EML5: variants seen among roughly 807,000 people sequenced by gnomAD.
The protein encoded by EML5 is EMAP like 5, also known as echinoderm microtubule-associated protein-like 5.
In EML5, 120 loss-of-function variants were observed where a neutral mutation model predicts 250.0. That is an observed-to-expected ratio of 0.48 (90% CI 0.41 to 0.56). The LOEUF (loss-of-function observed/expected upper bound fraction) is 0.56. Ranked by LOEUF, EML5 falls within the 20% of genes least tolerant of loss-of-function variation. The pLI is 0.00. For missense variants in EML5, 2,006 were observed against 2,437.6 expected, an observed-to-expected ratio of 0.82 and a Z score of 3.73; for synonymous variants, 771 against 806.5, an observed-to-expected ratio of 0.96 and a Z score of 0.75.
At chr14:88,698,264 C>CA (rs2093126114) in intron 14 of EML5, among the ~76,000 whole-genome samples, 1 of 93,072 alleles carries the variant, frequency 1.1e-5, no homozygotes, top group Admixed American at 1.1e-4. Flanking sequence ...TCTCCAGTTT[C>CA]CTTTTTTTTT....
At chr14:88,690,803 T>C (rs2092939805) in intron 17 of EML5, among the ~76,000 whole-genome samples, 1 of 152,038 alleles carries the variant, frequency 6.6e-6, no homozygotes, top group Non-Finnish European at 1.5e-5. Context: ...TGTCCTTGAG[T>C]AGATGAGAGA....
chr14:88,749,276 G>T (rs2094054842), intron 2 of EML5, among the ~76,000 whole-genome samples: 1 of 152,178 alleles, frequency 6.6e-6, no homozygotes, highest in African/African-American at 2.4e-5. Flanking sequence ...GAAGACAATG[G>T]ACAAACAGTT....
In EML5 at chr14:88,613,281, G is replaced by T. The variant is rs1415101331; in HGVS notation, c.*2537C>A. ...ATGACAGTTCCTCTTCATTCTAAAG[G>T]TTTACTCCATTGAATTTAAGGCATT... On this transcript the variant is annotated 3_prime_UTR_variant, in exon 44 of 44. Coordinates refer to ENST00000554922, the MANE Select transcript of EML5 (RefSeq NM_183387.3). 1 of 152,102 alleles carries T rather than the reference G, an allele frequency of 6.6e-6. No individual in the cohort carries two copies. The highest frequency in any genetic ancestry group is 1.5e-5 in the Non-Finnish European group (1 of 68,036). The allele number at this position is 152,102 out of a possible 1,614,324, so 9.4% of individuals were successfully genotyped here. A position where few individuals can be genotyped will look rare whatever the true frequency, so the allele number is the denominator to read the frequency against.
intron 6 of EML5, among the ~76,000 whole-genome samples, chr14:88,737,152 A>G (rs944743983): frequency 6.6e-6 from 1 of 152,198 alleles, no homozygotes; most frequent in Admixed American, 6.5e-5. Context: ...GAGTACAGAC[A>G]GAGCTGTAAC....
intron 21 of EML5, among the ~76,000 whole-genome samples, chr14:88,668,548 A>G (rs890511345): frequency 6.6e-6 from 1 of 152,172 alleles, no homozygotes; most frequent in Non-Finnish European, 1.5e-5. Context: ...TAGGGAAAAA[A>G]GCCTAATTGG....
chr14:88,615,785 C>CAA lies in EML5; in HGVS notation c.*31_*32dup. On this transcript the variant is annotated 3_prime_UTR_variant, in exon 44 of 44. Coordinates refer to ENST00000554922, the MANE Select transcript of EML5 (RefSeq NM_183387.3). Reference sequence around the variant, plus strand: ...TTTTTCTTCTCTGTAATTCTGGTCTCAAAGTTAATTTCTGTAGTCATCTCA... The same window carrying CAA: ...TTTTTCTTCTCTGTAATTCTGGTCTCAAAAAGTTAATTTCTGTAGTCATCTCA... 1 of 1,602,768 alleles carries CAA rather than the reference C, an allele frequency of 6.2e-7. No individual in the cohort carries two copies. Among genetic ancestry groups the CAA allele is most frequent in the Non-Finnish European group, 8.5e-7 (1 of 1,174,646 alleles).
intron 2 of EML5, among the ~76,000 whole-genome samples, chr14:88,753,515 A>C (rs976670151): frequency 6.6e-6 from 1 of 152,246 alleles, no homozygotes; most frequent in Non-Finnish European, 1.5e-5. Flanking sequence ...TAAAATTTAA[A>C]ATGATTTTAA....
At chr14:88,706,509 G>A in intron 10 of EML5, 83 bp from the exon 11 acceptor site, 1 of 1,003,958 alleles carries the variant, frequency 1.0e-6, no homozygotes, top group Admixed American at 3.6e-5. Context: ...ATGAACCACT[G>A]TATCATCCTT....
Position 88,783,442 on chromosome 14 carries a change from A to G in EML5, c.197+8865T>C, listed in dbSNP as rs140290704. ...ATCCAAGAAACACACTTCACCTATA[A>G]ATACACACACGGACTGAAAATAAAA... is the stretch of plus-strand genomic sequence containing the variant. On this transcript the variant is annotated intron_variant, in intron 1 of 43. Coordinates refer to ENST00000554922, the MANE Select transcript of EML5 (RefSeq NM_183387.3). 5.1e-3 allele frequency among the ~76,000 whole-genome samples: 779 copies of G among 152,382 alleles called. 6 individuals carry two copies. Among genetic ancestry groups the G allele is most frequent in the African/African-American group, 0.018 (750 of 41,596 alleles).
intron 21 of EML5, among the ~76,000 whole-genome samples, chr14:88,667,350 T>G (rs893597045): frequency 2.0e-5 from 3 of 152,170 alleles, no homozygotes; most frequent in Admixed American, 1.3e-4. Flanking sequence ...GTTAAAAGAA[T>G]ATTCCTTGTG....
intron 28 of EML5, 95 bp from the exon 29 acceptor site, chr14:88,647,050 A>C: frequency 2.5e-6 from 3 of 1,183,416 alleles, no homozygotes; most frequent in Non-Finnish European, 3.6e-6. Context: ...TATTTTAACA[A>C]GTTTAATGCA....
intron 1 of EML5, among the ~76,000 whole-genome samples, chr14:88,790,294 A>C (rs2094592655): frequency 6.6e-6 from 1 of 152,220 alleles, no homozygotes; most frequent in Non-Finnish European, 1.5e-5. Flanking sequence ...ATTGTTATAC[A>C]TTAAAGATGT....
Position 88,658,168 on chromosome 14 carries a change from G to A in EML5, c.3877+19C>T. Reference sequence around the variant, plus strand: ...AAATTTTCCCTATATTTTTGTTCAAGTATTATAAAATGACGTACCCCCATC... The same window carrying A: ...AAATTTTCCCTATATTTTTGTTCAAATATTATAAAATGACGTACCCCCATC... On this transcript the variant is annotated intron_variant, in intron 26 of 43. Coordinates refer to ENST00000554922, the MANE Select transcript of EML5 (RefSeq NM_183387.3). The A allele has an allele frequency of 1.9e-6, 3 of 1,611,630 alleles. No individual in the cohort carries two copies. The highest frequency in any genetic ancestry group is 2.5e-6 in the Non-Finnish European group (3 of 1,178,276).
chr14:88,622,845 C>G (rs1371565375), intron 36 of EML5, 127 bp from the exon 37 acceptor site: 11 of 544,622 alleles, frequency 2.0e-5, no homozygotes, highest in Non-Finnish European at 3.3e-5. Context: ...TAATTTACCT[C>G]TAATATTCTT....
intron 1 of EML5, among the ~76,000 whole-genome samples, chr14:88,788,566 T>A (rs540787491): frequency 6.6e-6 from 1 of 151,840 alleles, no homozygotes; most frequent in Non-Finnish European, 1.5e-5. Context: ...CTAAATTCTA[T>A]ACCTACTTAA....
chr14:88,764,707 A>C (rs574381279), intron 1 of EML5, among the ~76,000 whole-genome samples: 2 of 152,314 alleles, frequency 1.3e-5, no homozygotes, highest in South Asian at 4.1e-4. Context: ...TATGCATTTT[A>C]ATGCTCCAAA....
At chr14:88,670,285 A>T (rs1277981758) in intron 21 of EML5, among the ~76,000 whole-genome samples, 1 of 144,062 alleles carries the variant, frequency 6.9e-6, no homozygotes, top group African/African-American at 2.6e-5. Context: ...ATGCCACTGC[A>T]CTCCAGCCTG....
chr14:88,644,335 A>G, intron 30 of EML5, 98 bp downstream of exon 30: 1 of 1,088,016 alleles, frequency 9.2e-7, no homozygotes, highest in Non-Finnish European at 1.3e-6. Flanking sequence ...GTACTCAAAT[A>G]CACTGATTTT....
intron 8 of EML5, among the ~76,000 whole-genome samples, 164 bp from the exon 9 acceptor site, chr14:88,715,359 G>C (rs2093474891): frequency 6.6e-6 from 1 of 152,134 alleles, no homozygotes; most frequent in Non-Finnish European, 1.5e-5. Context: ...ATACGTTGCT[G>C]AACAGAAATA....
Sources: gnomAD v4.1 joint callset for allele counts (sites outside exome capture counted in the v4.1 genomes callset) on GRCh38, gnomAD v4.1.1 for gene constraint, MANE v1.5 for transcripts, NCBI Gene and HGNC (gene_info 2026-07-23, HGNC 2026-07-21) for gene names.